Variants in ANKRD1 observed in about 807,000 individuals in gnomAD.
The protein encoded by ANKRD1 is ankyrin repeat domain 1, also known as ankyrin repeat domain-containing protein 1.
A neutral mutation model predicts 40.1 loss-of-function variants in ANKRD1; 32 were observed. The ratio of observed to expected loss-of-function variants is 0.80; its 90% CI spans 0.60 to 1.07. ANKRD1 has a LOEUF of 1.07. Among genes scored for constraint, ANKRD1 ranks in the 50% least tolerant of loss-of-function variants. The probability of loss-of-function intolerance (pLI) is 0.00; values close to 1 mark genes in which losing one functional copy is unlikely to be tolerated. For missense variants in ANKRD1, 359 were observed against 386.0 expected (o/e 0.93, Z 0.59); for synonymous variants, 149 against 141.2 (o/e 1.06, Z -0.39).
chr10:90,920,141 A>G (rs769680650), intron 2 of ANKRD1, 28 bp downstream of exon 2: 3 of 1,612,446 alleles, frequency 1.9e-6, no homozygotes, highest in Admixed American at 3.3e-5. Context: ...CCAACATCCT[A>G]CTAGTGGATT....
chr10:90,912,968 C>G lies in ANKRD1; in HGVS notation c.858G>C (p.Lys286Asn). The G allele has an allele frequency of 6.2e-7, 1 of 1,614,008 alleles. No homozygotes were observed. Among genetic ancestry groups the G allele is most frequent in the East Asian group, 2.2e-5 (1 of 44,876 alleles). The change falls in exon 9 of 9, where the codon AAG (lysine) becomes AAC (asparagine). Residue 286 changes from lysine to asparagine, a missense_variant. By Grantham distance (94) the Lys-to-Asn change is moderately conservative. Transcript: ENST00000371697. ...ADLNIKNCAG[K>N]TPMDLVLHWQ... is the part of the protein sequence containing the mutation. The stretch of plus-strand genomic sequence containing the variant: ...AGTGTAGCACCAGATCCATCGGCGT[C>G]TTCCCAGCCTAATCAAATGAGATAA...
In ANKRD1 at chr10:90,912,834, A is replaced by T; in HGVS notation, c.*32T>A. On this transcript the variant is annotated 3_prime_UTR_variant, in exon 9 of 9. Coordinates refer to ENST00000371697, the MANE Select transcript of ANKRD1 (RefSeq NM_014391.3). ...GGGCCATGCCTTCAAAATGCCAGTG[A>T]ACATTTACTGATTAAGAGTCTGTCG... The T allele has an allele frequency of 1.1e-5, 18 of 1,591,874 alleles. No individual in the cohort carries two copies. Among genetic ancestry groups the T allele is most frequent in the Non-Finnish European group, 1.6e-5 (18 of 1,159,882 alleles).
chr10:90,912,863 G>T lies in ANKRD1; in HGVS notation c.*3C>A. ...TTTACTGATTAAGAGTCTGTCGTTT[G>T]CCTCAGAATGTAGCTATGCGAGAGG... is the stretch of plus-strand genomic sequence containing the variant. On this transcript the variant is annotated 3_prime_UTR_variant, in exon 9 of 9. Transcript: ENST00000371697. 6.2e-7 allele frequency: 1 copy of T among 1,612,978 alleles called. No homozygotes were observed. Among genetic ancestry groups the T allele is most frequent in the Non-Finnish European group, 8.5e-7 (1 of 1,179,010 alleles).
In ANKRD1 at chr10:90,920,984, T is replaced by G; in HGVS notation, c.27+17A>C. On this transcript the variant is annotated intron_variant, in intron 1 of 8. Transcript: ENST00000371697. ...TGAACCAGTTTTCATTTTATAAAATTAATGCATCTTACATACCAGTTCCTC... is the reference window on the plus strand; with the variant it reads ...TGAACCAGTTTTCATTTTATAAAATGAATGCATCTTACATACCAGTTCCTC... 6.2e-7 allele frequency: 1 copy of G among 1,611,950 alleles called. No individual in the cohort carries two copies. The highest frequency in any genetic ancestry group is 8.5e-7 in the Non-Finnish European group (1 of 1,178,012).
chr10:90,915,864 A>G lies in ANKRD1; in HGVS notation c.668T>C (p.Leu223Pro), dbSNP rs1415797604. ...GTGGCCAGTCCTCACCGCCACATGCAGCGCTGTGCTGAGCAACTGGAAAAT... is the reference window on the plus strand; with the variant it reads ...GTGGCCAGTCCTCACCGCCACATGCGGCGCTGTGCTGAGCAACTGGAAAAT... ...SARDKLLSTA[L>P]HVAVRTGHYE... The change falls in exon 7 of 9, where the codon CTG (leucine) becomes CCG (proline). Residue 223 changes from leucine to proline, a missense_variant. By Grantham distance (98) the Leu-to-Pro change is moderately conservative. Coordinates refer to ENST00000371697, the MANE Select transcript of ANKRD1 (RefSeq NM_014391.3). 1 of 1,612,038 alleles carries G rather than the reference A, an allele frequency of 6.2e-7. No homozygotes were observed. The highest frequency in any genetic ancestry group is 1.1e-5 in the South Asian group (1 of 90,958).
At position 90,918,882 on chromosome 10, in the gene ANKRD1, G is replaced by A; in HGVS notation, c.436C>T (p.Pro146Ser). Residue 146 changes from proline (P) to serine (S), a missense_variant, in exon 4 of 9, where the codon CCA (proline) becomes TCA (serine). By Grantham distance (74) the Pro-to-Ser change is moderately conservative. Coordinates refer to ENST00000371697, the MANE Select transcript of ANKRD1 (RefSeq NM_014391.3). ...AGTCTTACCTCATCACAAACATCTG[G>A]ATTGTTCTTGTCTGACAAGAATTTT... ...VEKFLSDKNN[P>S]DVCDEYKRTA... 1 of 1,611,362 alleles carries A rather than the reference G, an allele frequency of 6.2e-7. No homozygotes were observed. The highest frequency in any genetic ancestry group is 1.7e-5 in the Admixed American group (1 of 59,964).
chr10:90,919,555 T>C (rs1372014179), intron 2 of ANKRD1, among the ~76,000 whole-genome samples: 1 of 152,234 alleles, frequency 6.6e-6, no homozygotes, highest in Non-Finnish European at 1.5e-5. Flanking sequence ...GATGACTTTG[T>C]AATTAATGCC....
chr10:90,918,654 C>CA (rs1217622100), intron 4 of ANKRD1, among the ~76,000 whole-genome samples: 2 of 151,808 alleles, frequency 1.3e-5, no homozygotes, highest in Non-Finnish European at 2.9e-5. Context: ...TATATGAGTG[C>CA]AAAAAACAAT....
chr10:90,914,567 C>T (rs749735483), intron 8 of ANKRD1, among the ~76,000 whole-genome samples: 15 of 152,252 alleles, frequency 9.9e-5, no homozygotes, highest in Admixed American at 2.6e-4. Context: ...CTACTGTTAA[C>T]ACTTTCCCAT....
Position 90,916,228 on chromosome 10 carries a change from G to T in ANKRD1, c.594C>A (p.Asn198Lys). 6.2e-7 allele frequency: 1 copy of T among 1,614,066 alleles called. No individual in the cohort carries two copies. The highest frequency in any genetic ancestry group is 1.3e-5 in the African/African-American group (1 of 75,008). ...TAIHWASRGG[N>K]LDVLKLLLNK... ...TCAGCAACAATTTTAAAACATCCAGGTTTCCTCCACGGCTTGCCCAGTGGA... is the reference window on the plus strand; with the variant it reads ...TCAGCAACAATTTTAAAACATCCAGTTTTCCTCCACGGCTTGCCCAGTGGA... The change falls in exon 6 of 9, where the codon AAC (asparagine) becomes AAA (lysine). Residue 198 changes from asparagine (N) to lysine (K), a missense_variant. Asn to Lys is a moderately conservative substitution (Grantham distance 94, BLOSUM62 0). Transcript: ENST00000371697.
At chr10:90,918,475 C>A (rs1205701572) in intron 4 of ANKRD1, among the ~76,000 whole-genome samples, 1 of 151,896 alleles carries the variant, frequency 6.6e-6, no homozygotes, top group African/African-American at 2.4e-5. Flanking sequence ...AGTGGTACAA[C>A]TGGCCCCTGA....
At chr10:90,913,009 A>G in intron 8 of ANKRD1, 33 bp from the exon 9 acceptor site, 1 of 1,581,222 alleles carries the variant, frequency 6.3e-7, no homozygotes, top group Non-Finnish European at 8.7e-7. Context: ...GTTGACTTTC[A>G]GGTGGGTGAC....
In ANKRD1 at chr10:90,912,745, A is replaced by G; in HGVS notation, c.*121T>C. 3.2e-6 allele frequency: 3 copies of G among 940,490 alleles called. No individual in the cohort carries two copies. Among genetic ancestry groups the G allele is most frequent in the South Asian group, 2.6e-5 (2 of 76,886 alleles). 58.3% of individuals were successfully genotyped at this position (940,490 alleles called of 1,614,324 possible). A position where few individuals can be genotyped will look rare whatever the true frequency, so the allele number is the denominator to read the frequency against. On this transcript the variant is annotated 3_prime_UTR_variant, in exon 9 of 9. Transcript: ENST00000371697. ...CCCTGTGCTTTCTCAAAACTTCATTAGGTACATCTTCACAACACGTTGATA... is the reference window on the plus strand; with the variant it reads ...CCCTGTGCTTTCTCAAAACTTCATTGGGTACATCTTCACAACACGTTGATA...
In ANKRD1 at chr10:90,918,859, T is replaced by A. The variant is rs759737747; in HGVS notation, c.453+6A>T. The A allele has an allele frequency of 2.5e-6, 4 of 1,596,970 alleles. No individual in the cohort carries two copies. The highest frequency in any genetic ancestry group is 3.4e-6 in the Non-Finnish European group (4 of 1,166,846). On this transcript the variant is annotated splice_donor_region_variant and intron_variant, in intron 4 of 8. Coordinates refer to ENST00000371697, the MANE Select transcript of ANKRD1 (RefSeq NM_014391.3). Reference sequence around the variant, plus strand: ...TGGATTTTGCAGTGCTTTGCATGAGTCTTACCTCATCACAAACATCTGGAT... The same window carrying A: ...TGGATTTTGCAGTGCTTTGCATGAGACTTACCTCATCACAAACATCTGGAT...
intron 5 of ANKRD1, among the ~76,000 whole-genome samples, 175 bp from the exon 6 acceptor site, chr10:90,916,444 G>C (rs1438767794): frequency 6.6e-6 from 1 of 152,102 alleles, no homozygotes; most frequent in Non-Finnish European, 1.5e-5. Context: ...GTGTGTGTGT[G>C]TGTGTGCATA....
intron 4 of ANKRD1, 94 bp downstream of exon 4, chr10:90,918,771 A>G (rs1183466784): frequency 6.7e-6 from 7 of 1,047,606 alleles, no homozygotes; most frequent in Middle Eastern, 2.1e-4. Flanking sequence ...TTTCAGGTGG[A>G]AGGACTTTGG....
intron 1 of ANKRD1, 112 bp downstream of exon 1, chr10:90,920,889 A>T (rs2120275099): frequency 9.8e-7 from 1 of 1,024,922 alleles, no homozygotes; most frequent in Non-Finnish European, 1.5e-6. Context: ...TCCATATATG[A>T]CATTTTCAGA....
intron 6 of ANKRD1, 134 bp downstream of exon 6, chr10:90,916,037 G>A: frequency 1.4e-6 from 1 of 711,526 alleles, no homozygotes; most frequent in Non-Finnish European, 2.4e-6. Context: ...TTAGGAGATG[G>A]AGGGGTGGGG....
chr10:90,918,065 A>G (rs979679054), intron 4 of ANKRD1, among the ~76,000 whole-genome samples: 1 of 152,204 alleles, frequency 6.6e-6, no homozygotes, highest in African/African-American at 2.4e-5. Flanking sequence ...GCCTACGTTG[A>G]GGAGTGTGAA....
Sources: gnomAD v4.1 joint callset for allele counts (sites outside exome capture counted in the v4.1 genomes callset) on GRCh38, gnomAD v4.1.1 for gene constraint, MANE v1.5 for transcripts, NCBI Gene and HGNC (gene_info 2026-07-23, HGNC 2026-07-21) for gene names.